Variants in PTK2B observed in about 807,000 individuals in gnomAD.
PTK2B encodes the protein protein tyrosine kinase 2 beta, also known as protein-tyrosine kinase 2-beta.
A neutral mutation model predicts 142.9 loss-of-function variants in PTK2B; 71 were observed. That is an observed-to-expected ratio of 0.50 (90% confidence interval 0.41 to 0.61). PTK2B has a LOEUF of 0.61. Among genes scored for constraint, PTK2B ranks in the 20% least tolerant of loss-of-function variants. The probability of loss-of-function intolerance (pLI) is 0.00; values close to 1 mark genes in which losing one functional copy is unlikely to be tolerated. For synonymous variants in PTK2B, 519 were observed against 503.4 expected (o/e 1.03, Z -0.42); for missense variants, 1,105 against 1,320.4 (o/e 0.84, Z 2.53).
intron 1 of PTK2B, among the ~76,000 whole-genome samples, chr8:27,386,726 A>G (rs1459558712): frequency 6.6e-6 from 1 of 152,216 alleles, no homozygotes; most frequent in Non-Finnish European, 1.5e-5. Flanking sequence ...TTTGGCGTAT[A>G]CTAGGTTTGC....
At chr8:27,321,240 C>T (rs1376672227), upstream of PTK2B, among the ~76,000 whole-genome samples, 1 of 152,044 alleles carries the variant, frequency 6.6e-6, no homozygotes, top group Non-Finnish European at 1.5e-5. Context: ...AAGCAATCCT[C>T]CCACCTCAGC....
At chr8:27,379,843 C>A (rs867012656) in intron 1 of PTK2B, among the ~76,000 whole-genome samples, 2 of 152,150 alleles carry the variant, frequency 1.3e-5, no homozygotes, top group East Asian at 3.9e-4. Context: ...TGGGCTCAAG[C>A]GATTCTCCCA....
chr8:27,332,454 A>G (rs150309368), intron 1 of PTK2B, among the ~76,000 whole-genome samples: 2 of 152,170 alleles, frequency 1.3e-5, no homozygotes, highest in African/African-American at 4.8e-5. Context: ...TGCCTGTCTG[A>G]CATCGCCAAG....
At chr8:27,437,529 C>A in intron 17 of PTK2B, 33 bp downstream of exon 17, 1 of 1,522,492 alleles carries the variant, frequency 6.6e-7, no homozygotes, top group Non-Finnish European at 9.0e-7. Context: ...GACAACTGGG[C>A]TGCAGCATGG....
intron 1 of PTK2B, among the ~76,000 whole-genome samples, chr8:27,334,629 A>T (rs1803947868): frequency 6.6e-6 from 1 of 152,168 alleles, no homozygotes; most frequent in African/African-American, 2.4e-5. Context: ...TATACCGTCA[A>T]ATTCCAAGGA....
Position 27,429,437 on chromosome 8 carries a change from A to T in PTK2B, c.552-656A>T, listed in dbSNP as rs1810275601. 2.0e-5 allele frequency among the ~76,000 whole-genome samples: 3 copies of T among 152,234 alleles called. No homozygotes were observed. In the South Asian group the frequency reaches 6.2e-4, roughly 32 times the overall value. On this transcript the variant is annotated intron_variant, in intron 5 of 30. Coordinates refer to ENST00000346049, the MANE Select transcript of PTK2B (RefSeq NM_173176.3). ...TCACAGTGGCCCAGACAGGGAAGGG[A>T]GGCTGGCACATGTGAGAACATTAGC...
intron 1 of PTK2B, among the ~76,000 whole-genome samples, chr8:27,360,650 G>A (rs1314535468): frequency 6.6e-6 from 1 of 152,174 alleles, no homozygotes; most frequent in Admixed American, 6.5e-5. Context: ...TGAGAGGGCA[G>A]GATTTCCTGG....
intron 9 of PTK2B, among the ~76,000 whole-genome samples, chr8:27,431,838 A>G (rs1810446145): frequency 6.6e-6 from 1 of 152,198 alleles, no homozygotes; most frequent in Admixed American, 6.5e-5. Flanking sequence ...TTGGCACATG[A>G]TGTTGAGCAA....
chr8:27,331,735 C>T (rs928204632), intron 1 of PTK2B, among the ~76,000 whole-genome samples: 2 of 152,152 alleles, frequency 1.3e-5, no homozygotes, highest in African/African-American at 4.8e-5. Flanking sequence ...GATCCACTCC[C>T]CTCAGCCTCC....
chr8:27,432,216 C>T (rs1810476407), intron 9 of PTK2B, 44 bp from the exon 10 acceptor site: 1 of 1,583,634 alleles, frequency 6.3e-7, no homozygotes, highest in African/African-American at 1.3e-5. Flanking sequence ...ATGGCCTAGT[C>T]CTGGTAGTGG....
At chr8:27,393,807 C>T (rs1215328922) in intron 1 of PTK2B, among the ~76,000 whole-genome samples, 1 of 152,044 alleles carries the variant, frequency 6.6e-6, no homozygotes, top group African/African-American at 2.4e-5. Context: ...CAGAGTGGCG[C>T]ATTTGTCACA....
intron 24 of PTK2B, 82 bp downstream of exon 24, chr8:27,446,001 C>A (rs111643137): frequency 1.9e-6 from 3 of 1,573,120 alleles, no homozygotes; most frequent in Non-Finnish European, 2.6e-6. Context: ...GGAAACCCCA[C>A]GTCCTCAGCT....
intron 2 of PTK2B, among the ~76,000 whole-genome samples, chr8:27,407,278 C>T (rs1808776976): frequency 6.6e-6 from 1 of 152,178 alleles, no homozygotes; most frequent in South Asian, 2.1e-4. Flanking sequence ...GCTATCCAGG[C>T]CCTGGGAACA....
intron 1 of PTK2B, among the ~76,000 whole-genome samples, chr8:27,378,964 G>A (rs913509067): frequency 6.6e-5 from 10 of 152,104 alleles, no homozygotes; most frequent in Non-Finnish European, 1.3e-4. Context: ...CCCCGGCACC[G>A]TTATGCCAAA....
intron 11 of PTK2B, 50 bp downstream of exon 11, chr8:27,433,602 C>G (rs2132081480): frequency 2.0e-6 from 3 of 1,488,708 alleles, no homozygotes; most frequent in Non-Finnish European, 2.8e-6. Context: ...GGCAGCACAC[C>G]CGAGTCCCCA....
intron 1 of PTK2B, among the ~76,000 whole-genome samples, chr8:27,382,791 A>G (rs1035433119): frequency 6.6e-5 from 10 of 152,074 alleles, no homozygotes; most frequent in Admixed American, 5.2e-4. Context: ...ATTTTTCAGC[A>G]CCATTTATTG....
At chr8:27,386,145 C>A (rs965924092) in intron 1 of PTK2B, among the ~76,000 whole-genome samples, 1 of 152,056 alleles carries the variant, frequency 6.6e-6, no homozygotes, top group African/African-American at 2.4e-5. Flanking sequence ...TTATATAAAT[C>A]TTTTCATGCA....
At chr8:27,448,321 T>TGGG (rs1233045237) in intron 24 of PTK2B, among the ~76,000 whole-genome samples, 1 of 152,234 alleles carries the variant, frequency 6.6e-6, no homozygotes, top group African/African-American at 2.4e-5. Context: ...CGAGAGTCAT[T>TGGG]TTAAAACACC....
intron 5 of PTK2B, among the ~76,000 whole-genome samples, chr8:27,425,754 A>T (rs1364856095): frequency 6.6e-6 from 1 of 152,200 alleles, no homozygotes; most frequent in Non-Finnish European, 1.5e-5. Context: ...CACTGCCCTA[A>T]AATTTGTCCA....
Sources: allele counts gnomAD v4.1 joint callset (sites outside exome capture counted in the v4.1 genomes callset), GRCh38; gene constraint gnomAD v4.1.1; transcripts MANE v1.5; gene names NCBI Gene and HGNC (gene_info 2026-07-23, HGNC 2026-07-21).